Variants in HTR1E observed in about 807,000 individuals in gnomAD.
HTR1E encodes the protein 5-hydroxytryptamine receptor 1E, also known as 5-HT-1E.
HTR1E carries 3 observed loss-of-function variants against 3.4 expected under a neutral mutation model. The ratio of observed to expected loss-of-function variants is 0.89; its 90% confidence interval spans 0.41 to 2.31. HTR1E has a LOEUF of 2.31. Among genes scored for constraint, HTR1E ranks in the 30% most tolerant of loss-of-function variants. The pLI is 0.05. For missense variants in HTR1E, 392 were observed against 467.0 expected (o/e 0.84, Z 1.48); for synonymous variants, 170 against 182.8 (o/e 0.93, Z 0.56).
intron 1 of HTR1E, among the ~76,000 whole-genome samples, chr6:87,012,383 C>T (rs561051625): frequency 1.3e-5 from 2 of 152,156 alleles, no homozygotes; most frequent in South Asian, 4.2e-4. Context: ...GCAATAGATA[C>T]CAGAGCCTAC....
In HTR1E at chr6:87,016,124, A is replaced by G. The variant is rs374233244; in HGVS notation, c.790A>G (p.Arg264Gly). 1.2e-6 allele frequency: 2 copies of G among 1,614,194 alleles called. No individual in the cohort carries two copies. The highest frequency in any genetic ancestry group is 1.7e-6 in the Non-Finnish European group (2 of 1,180,028). The stretch of plus-strand genomic sequence containing the variant: ...GTTTGAAAAGTTCCATGCCTCCATC[A>G]GGATCCCCCCCTTCGACAATGATCT... ...TEFEKFHASI[R>G]IPPFDNDLDH... The change falls in exon 2 of 2, where the codon AGG (arginine) becomes GGG (glycine). Residue 264 changes from arginine (R) to glycine (G), a missense_variant. Coordinates refer to ENST00000305344, the MANE Select transcript of HTR1E (RefSeq NM_000865.3).
chr6:87,011,738 G>A (rs368959160), intron 1 of HTR1E, among the ~76,000 whole-genome samples: 11 of 152,204 alleles, frequency 7.2e-5, no homozygotes, highest in Admixed American at 2.0e-4. Flanking sequence ...TTCAGAAAGC[G>A]GAAGTATCAG....
At chr6:86,999,244 G>T (rs1382699656) in intron 1 of HTR1E, among the ~76,000 whole-genome samples, 1 of 152,116 alleles carries the variant, frequency 6.6e-6, no homozygotes, top group Non-Finnish European at 1.5e-5. Context: ...TTACAGGCAT[G>T]AGCCACCATG....
At chr6:86,960,443 G>A (rs1767389132) in intron 1 of HTR1E, among the ~76,000 whole-genome samples, 2 of 152,178 alleles carry the variant, frequency 1.3e-5, no homozygotes, top group East Asian at 1.9e-4. Flanking sequence ...ATGAATTTTG[G>A]GGACACATTC....
chr6:86,984,850 T>C (rs745899761), intron 1 of HTR1E, among the ~76,000 whole-genome samples: 3 of 152,172 alleles, frequency 2.0e-5, no homozygotes, highest in Non-Finnish European at 4.4e-5. Flanking sequence ...TCACATTTCA[T>C]TGATGTGAAA....
chr6:86,977,505 C>T (rs186167844), intron 1 of HTR1E, among the ~76,000 whole-genome samples: 140 of 152,184 alleles, frequency 9.2e-4, no homozygotes, highest in African/African-American at 3.2e-3. Context: ...TGAGTGCATG[C>T]ATCTTTTTGG....
Position 86,982,371 on chromosome 6 carries a change from C to T in HTR1E, c.-185-32779C>T, listed in dbSNP as rs114888861. The stretch of plus-strand genomic sequence containing the variant: ...GGAGGCACTGCCCTAACCCACTCTC[C>T]TTTTGTCTTAGGTTGGGTTTCTTGG... On this transcript the variant is annotated intron_variant, in intron 1 of 1. Coordinates refer to ENST00000305344, the MANE Select transcript of HTR1E (RefSeq NM_000865.3). Among the ~76,000 whole-genome samples the T allele has an allele frequency of 3.2e-3, 492 of 152,234 alleles. 2 individuals are homozygous for T. The highest frequency in any genetic ancestry group is 0.01 in the African/African-American group (426 of 41,540).
chr6:86,987,892 C>T (rs1274040047), intron 1 of HTR1E, among the ~76,000 whole-genome samples: 2 of 152,108 alleles, frequency 1.3e-5, no homozygotes, highest in African/African-American at 2.4e-5. Flanking sequence ...GGAGCCTTCA[C>T]GGCCCTATCA....
chr6:86,991,094 C>A (rs752704664), intron 1 of HTR1E, among the ~76,000 whole-genome samples: 32 of 152,112 alleles, frequency 2.1e-4, no homozygotes, highest in Non-Finnish European at 1.9e-4. Flanking sequence ...GGGAAAACAT[C>A]AGATAAACTG....
chr6:86,941,580 T>C (rs1768546671), intron 1 of HTR1E, among the ~76,000 whole-genome samples: 1 of 152,200 alleles, frequency 6.6e-6, no homozygotes, highest in Non-Finnish European at 1.5e-5. Flanking sequence ...CAAAATCCTT[T>C]AGAAGAAGCT....
chr6:86,943,899 G>A (rs1249181838), intron 1 of HTR1E, among the ~76,000 whole-genome samples: 1 of 152,200 alleles, frequency 6.6e-6, no homozygotes, highest in Non-Finnish European at 1.5e-5. Flanking sequence ...ATCTGGGTAT[G>A]GCTTAGCTAG....
chr6:86,947,309 G>A (rs921128685), intron 1 of HTR1E, among the ~76,000 whole-genome samples: 1 of 152,036 alleles, frequency 6.6e-6, no homozygotes, highest in Non-Finnish European at 1.5e-5. Context: ...TTTGAAGTAG[G>A]CAAATAAAAC....
At chr6:86,941,122 G>A (rs143801394) in intron 1 of HTR1E, among the ~76,000 whole-genome samples, 2 of 152,276 alleles carry the variant, frequency 1.3e-5, no homozygotes, top group Admixed American at 6.5e-5. Context: ...CCAGTATTGT[G>A]GCCCCTAAAA....
intron 1 of HTR1E, among the ~76,000 whole-genome samples, chr6:87,001,519 T>C (rs760849465): frequency 6.6e-6 from 1 of 152,054 alleles, no homozygotes; most frequent in Non-Finnish European, 1.5e-5. Context: ...GGAAGAAGAT[T>C]TTAATTGGGT....
chr6:86,981,256 G>C (rs1189784267), intron 1 of HTR1E, among the ~76,000 whole-genome samples: 1 of 152,108 alleles, frequency 6.6e-6, no homozygotes, highest in African/African-American at 2.4e-5. Flanking sequence ...AAAGAGCTTT[G>C]TTTTAAACTT....
intron 1 of HTR1E, among the ~76,000 whole-genome samples, chr6:86,947,240 G>A (rs1039468175): frequency 2.6e-5 from 4 of 151,666 alleles, no homozygotes. Context: ...TAATTTTCTG[G>A]CATTGTAGCA....
At chr6:86,957,784 G>C (rs1255510699) in intron 1 of HTR1E, among the ~76,000 whole-genome samples, 1 of 152,142 alleles carries the variant, frequency 6.6e-6, no homozygotes, top group Non-Finnish European at 1.5e-5. Context: ...GGAAAAAAAG[G>C]GCACAGTAAA....
intron 1 of HTR1E, among the ~76,000 whole-genome samples, chr6:86,979,330 C>A (rs576048831): frequency 6.6e-6 from 1 of 152,102 alleles, no homozygotes; most frequent in Non-Finnish European, 1.5e-5. Flanking sequence ...TGTGTATATA[C>A]TTTTCTGAAA....
At chr6:86,988,691 T>C (rs968075531) in intron 1 of HTR1E, among the ~76,000 whole-genome samples, 1 of 152,126 alleles carries the variant, frequency 6.6e-6, no homozygotes. Context: ...AAGGATGCTG[T>C]CTATACAAGC....
Sources: gnomAD v4.1 joint callset for allele counts (sites outside exome capture counted in the v4.1 genomes callset) on GRCh38, gnomAD v4.1.1 for gene constraint, MANE v1.5 for transcripts, NCBI Gene and HGNC (gene_info 2026-07-23, HGNC 2026-07-21) for gene names.